Variants in B3GAT1 observed in about 807,000 individuals in gnomAD.
B3GAT1 encodes beta-1,3-glucuronyltransferase 1.
A neutral mutation model predicts 28.4 loss-of-function variants in B3GAT1; 11 were observed. The observed-to-expected ratio is 0.39, with a 90% CI of 0.24 to 0.64. The LOEUF is 0.64. Among genes scored for constraint, B3GAT1 ranks in the 30% least tolerant of loss-of-function variants. The pLI is 0.50. For missense variants in B3GAT1, 375 were observed against 491.0 expected, an observed-to-expected ratio of 0.76 and a Z score of 2.23; for synonymous variants, 255 against 223.1, an observed-to-expected ratio of 1.14 and a Z score of -1.27.
At chr11:134,400,209 T>C (rs1944584901) in intron 1 of B3GAT1, among the ~76,000 whole-genome samples, 1 of 152,138 alleles carries the variant, frequency 6.6e-6, no homozygotes, top group Admixed American at 6.5e-5. Flanking sequence ...ACTGTGGGAC[T>C]TCCTGCCCTG....
intron 1 of B3GAT1, among the ~76,000 whole-genome samples, chr11:134,405,417 A>T (rs1565460159): frequency 6.6e-6 from 1 of 152,210 alleles, no homozygotes; most frequent in African/African-American, 2.4e-5. Flanking sequence ...CAGGGTGCGT[A>T]GACACACTCT....
chr11:134,407,056 A>G (rs1944747531), intron 1 of B3GAT1, among the ~76,000 whole-genome samples: 1 of 152,184 alleles, frequency 6.6e-6, no homozygotes, highest in African/African-American at 2.4e-5. Flanking sequence ...CTGTATCTGT[A>G]CCGCCCAAGA....
At chr11:134,401,980 C>T (rs11600571) in intron 1 of B3GAT1, among the ~76,000 whole-genome samples, 13 of 51,492 alleles carry the variant, frequency 2.5e-4, no homozygotes, top group Middle Eastern at 0.013. Flanking sequence ...CGGGGGGGGG[C>T]GGGCAGCCTG....
At chr11:134,400,122 C>T (rs919678463) in intron 1 of B3GAT1, among the ~76,000 whole-genome samples, 4 of 152,152 alleles carry the variant, frequency 2.6e-5, no homozygotes, top group Non-Finnish European at 5.9e-5. Context: ...GGCTCTGTGC[C>T]TTTGGCATTC....
rs551331808 is a variant in B3GAT1 at position 134,396,721 on chromosome 11, C to T, written c.-281-8781G>A. On this transcript the variant is annotated intron_variant, in intron 1 of 5. Coordinates refer to ENST00000312527, the MANE Select transcript of B3GAT1 (RefSeq NM_054025.3). ...CTTGCAGCCTGGAAGGGCCAGGAAA[C>T]GGGTCTGCTCGGCCTGGCTTCCTGC... Among the ~76,000 whole-genome samples the T allele has an allele frequency of 1.2e-3, 189 of 152,290 alleles. 3 individuals are homozygous for T. Among genetic ancestry groups the T allele is most frequent in the African/African-American group, 4.3e-3 (179 of 41,558 alleles).
chr11:134,401,832 T>A (rs796896759), intron 1 of B3GAT1, among the ~76,000 whole-genome samples: 47 of 152,228 alleles, frequency 3.1e-4, no homozygotes, highest in African/African-American at 1.1e-3. Flanking sequence ...CCCTTCCTCA[T>A]GGCTCAGTGG....
intron 2 of B3GAT1, 115 bp from the exon 3 acceptor site, chr11:134,384,303 C>T: frequency 7.6e-7 from 1 of 1,321,390 alleles, no homozygotes; most frequent in Admixed American, 2.9e-5. Context: ...GCTGCAGGGG[C>T]TGCTCAGACC....
chr11:134,402,047 G>T (rs1944627186), intron 1 of B3GAT1, among the ~76,000 whole-genome samples: 1 of 151,604 alleles, frequency 6.6e-6, no homozygotes, highest in Non-Finnish European at 1.5e-5. Context: ...GGCTCCCTCT[G>T]TTCCTGCTTG....
chr11:134,388,749 C>T (rs1591638448), intron 1 of B3GAT1: 1 of 152,170 alleles, frequency 6.6e-6, no homozygotes, highest in African/African-American at 2.4e-5. Context: ...GGATAATGGC[C>T]TCCAGCTGCA....
intron 3 of B3GAT1, 82 bp downstream of exon 3, chr11:134,383,598 C>T (rs757311689): frequency 1.2e-5 from 17 of 1,436,662 alleles, no homozygotes; most frequent in Middle Eastern, 2.5e-4. Context: ...CGCGCGCCTC[C>T]GCACCCACAC....
chr11:134,384,740 C>G (rs1944234326), intron 2 of B3GAT1: 1 of 153,242 alleles, frequency 6.5e-6, no homozygotes, highest in African/African-American at 2.4e-5. Context: ...GGCCTCTTCC[C>G]TCCTGGCCTT....
chr11:134,406,408 A>G (rs56766695), intron 1 of B3GAT1, among the ~76,000 whole-genome samples: 29,929 of 152,056 alleles, frequency 0.2, 3,087 homozygotes, highest in African/African-American at 0.23. Context: ...TGCACAAAGC[A>G]AGGTTGCTTT....
In B3GAT1 at chr11:134,383,047, G is replaced by A. The variant is rs1366761834; in HGVS notation, c.622-41C>T. On this transcript the variant is annotated intron_variant, in intron 3 of 5. Coordinates refer to ENST00000312527, the MANE Select transcript of B3GAT1 (RefSeq NM_054025.3). ...CCAGAGTCAGGGCGCCGGCACTGCA[G>A]ATGAGGACGGCCGCGCGTGCCCAAG... is the stretch of plus-strand genomic sequence containing the variant. The A allele has an allele frequency of 1.1e-5, 16 of 1,499,006 alleles. No homozygotes were observed. The East Asian group carries it at 2.5e-4, about 23-fold the overall frequency. The allele number at this position is 1,499,006 out of a possible 1,614,324, so 92.9% of individuals were successfully genotyped here.
At chr11:134,390,339 T>G (rs1944384189) in intron 1 of B3GAT1, 1 of 152,350 alleles carries the variant, frequency 6.6e-6, no homozygotes, top group Non-Finnish European at 1.5e-5. Context: ...CGTTTGGATC[T>G]TAGGCCACAT....
In B3GAT1 at chr11:134,379,990, G is replaced by C. The variant is rs1039107842; in HGVS notation, c.*772C>G. 6.5e-6 allele frequency: 1 copy of C among 152,838 alleles called. No individual in the cohort carries two copies. The highest frequency in any genetic ancestry group is 2.4e-5 in the African/African-American group (1 of 41,458). The allele number at this position is 152,838 out of a possible 1,614,324, so 9.5% of individuals were successfully genotyped here. On this transcript the variant is annotated 3_prime_UTR_variant, in exon 6 of 6. Transcript: ENST00000312527. ...TAGTCCAGGTCAGGCAGTGACCTGT[G>C]CTGGCTCTAGAGCCTACCCCTTTGC...
chr11:134,395,109 C>T (rs986734205), intron 1 of B3GAT1, among the ~76,000 whole-genome samples: 1 of 152,172 alleles, frequency 6.6e-6, no homozygotes, highest in Non-Finnish European at 1.5e-5. Flanking sequence ...AGCAGTTCAT[C>T]CACTCACCCC....
chr11:134,406,438 C>T (rs1027398007), intron 1 of B3GAT1, among the ~76,000 whole-genome samples: 3 of 150,618 alleles, frequency 2.0e-5, no homozygotes, highest in African/African-American at 7.3e-5. Context: ...ATTCTAGCTC[C>T]CTGGGCTTCA....
In B3GAT1 at chr11:134,390,644, A is replaced by G. The variant is rs1944391339; in HGVS notation, c.-281-2704T>C. On this transcript the variant is annotated intron_variant, in intron 1 of 5. Coordinates refer to ENST00000312527, the MANE Select transcript of B3GAT1 (RefSeq NM_054025.3). ...CCGAAGATGAGGCTCAGCTCTTCAC[A>G]TGCACCTGCTCCTGCAACGTCACAG... The G allele has an allele frequency of 2.0e-5, 3 of 152,186 alleles. No homozygotes were observed. The South Asian group carries it at 6.2e-4, about 32-fold the overall frequency. 9.4% of individuals were successfully genotyped at this position (152,186 alleles called of 1,614,324 possible).
intron 5 of B3GAT1, chr11:134,381,618 G>A: frequency 3.1e-6 from 1 of 319,024 alleles, no homozygotes; most frequent in Middle Eastern, 9.7e-4. Context: ...GCGAGAGTCT[G>A]AATGGCAGTG....
Sources: gnomAD v4.1 joint callset for allele counts (sites outside exome capture counted in the v4.1 genomes callset) on GRCh38, gnomAD v4.1.1 for gene constraint, MANE v1.5 for transcripts, NCBI Gene and HGNC (gene_info 2026-07-23, HGNC 2026-07-21) for gene names.